CCDC3: variants seen among roughly 807,000 people sequenced by gnomAD.
CCDC3 encodes the protein coiled-coil domain-containing protein 3.
Under a neutral mutation model 21.4 loss-of-function variants are expected in CCDC3, and 24 were observed. The ratio of observed to expected loss-of-function variants is 1.12; its 90% CI spans 0.81 to 1.58. The LOEUF (loss-of-function observed/expected upper bound fraction) is 1.58, where lower values mean the gene tolerates loss of function less well. Ranked by LOEUF, CCDC3 falls within the 40% of genes most tolerant of loss-of-function variation. The probability of loss-of-function intolerance (pLI) is 0.00; values close to 1 mark genes in which losing one functional copy is unlikely to be tolerated. For synonymous variants in CCDC3, 186 were observed against 166.0 expected (o/e 1.12, Z -0.93); for missense variants, 425 against 360.9 (o/e 1.18, Z -1.44).
intron 4 of CCDC3, chr10:13,058,257 C>A (rs960977304): frequency 7.2e-7 from 1 of 1,381,344 alleles, no homozygotes; most frequent in African/African-American, 1.4e-5. Flanking sequence ...CAGGTAAAGG[C>A]ACCTGGCTGA....
chr10:12,921,501 A>G (rs1025092104), intron 2 of CCDC3, among the ~76,000 whole-genome samples: 1 of 152,240 alleles, frequency 6.6e-6, no homozygotes, highest in East Asian at 1.9e-4. Context: ...TTCTCTGACC[A>G]GTGCAAAAGC....
intron 3 of CCDC3, among the ~76,000 whole-genome samples, chr10:13,085,809 A>C (rs1244973391): frequency 6.6e-6 from 1 of 152,090 alleles, no homozygotes; most frequent in African/African-American, 2.4e-5. Context: ...TCTATTAAAA[A>C]CATAAAAATT....
intron 3 of CCDC3, among the ~76,000 whole-genome samples, chr10:13,093,377 A>G (rs1048314458): frequency 2.0e-5 from 3 of 152,110 alleles, no homozygotes; most frequent in East Asian, 3.9e-4. Flanking sequence ...CCATGATTCA[A>G]TTATCTCCCA....
chr10:12,987,823 G>T (rs1835621241), intron 2 of CCDC3, among the ~76,000 whole-genome samples: 3 of 152,158 alleles, frequency 2.0e-5, no homozygotes, highest in South Asian at 2.1e-4. Flanking sequence ...AAGACAAATT[G>T]GAAGAACACA....
chr10:13,097,592 C>T (rs1418789771), intron 3 of CCDC3, among the ~76,000 whole-genome samples: 1 of 152,150 alleles, frequency 6.6e-6, no homozygotes, highest in Non-Finnish European at 1.5e-5. Flanking sequence ...GGTGTGGTGG[C>T]ACACGCCTGT....
In CCDC3 at chr10:12,898,534, C is replaced by A. The variant is rs372671923; in HGVS notation, c.695G>T (p.Arg232Leu). The A allele has an allele frequency of 1.7e-5, 28 of 1,614,192 alleles. No individual in the cohort carries two copies. Among genetic ancestry groups the A allele is most frequent in the Non-Finnish European group, 2.3e-5 (27 of 1,180,030 alleles). ...CAGCTCCAGGTGGCGGCCCTTCTTA[C>A]GCGCCTGCCGCAAGGACCTCTTGAC... ...KKVKRSLRQA[R>L]KKGRHLELAN... The change falls in exon 3 of 3, where the codon CGT becomes CTT. Residue 232 changes from arginine to leucine, a missense_variant. Transcript: ENST00000378825.
At chr10:13,094,327 C>T (rs993148589) in intron 3 of CCDC3, among the ~76,000 whole-genome samples, 5 of 151,954 alleles carry the variant, frequency 3.3e-5, no homozygotes, top group African/African-American at 9.7e-5. Flanking sequence ...GGCACGATCT[C>T]GGCTCACTGC....
chr10:13,045,427 G>A (rs1229604345), intron 5 of CCDC3, among the ~76,000 whole-genome samples: 4 of 151,832 alleles, frequency 2.6e-5, no homozygotes, highest in Non-Finnish European at 5.9e-5. Flanking sequence ...GATCACAAGG[G>A]CACCATCCTG....
At chr10:13,064,341 G>A (rs1471769273) in intron 4 of CCDC3, among the ~76,000 whole-genome samples, 1 of 152,220 alleles carries the variant, frequency 6.6e-6, no homozygotes, top group African/African-American at 2.4e-5. Context: ...AACAGTAGCT[G>A]GACAGCTAGA....
At chr10:13,087,398 C>G (rs572298707) in intron 3 of CCDC3, among the ~76,000 whole-genome samples, 22 of 134,580 alleles carry the variant, frequency 1.6e-4, no homozygotes, top group Admixed American at 1.1e-3. Flanking sequence ...GAGTGAAACT[C>G]CATCTCAAAA....
intron 5 of CCDC3, among the ~76,000 whole-genome samples, chr10:13,044,743 T>C (rs186813250): frequency 1.8e-4 from 27 of 152,332 alleles, no homozygotes; most frequent in African/African-American, 6.0e-4. Context: ...CTTTATATTA[T>C]AGTTTGAAGT....
At chr10:12,998,168 T>C (rs900243899) in intron 2 of CCDC3, among the ~76,000 whole-genome samples, 170 bp downstream of exon 2, 1 of 152,174 alleles carries the variant, frequency 6.6e-6, no homozygotes. Flanking sequence ...AATGGTCTTT[T>C]TTAACAGCTG....
intron 2 of CCDC3, among the ~76,000 whole-genome samples, chr10:12,943,205 A>C (rs1183101925): frequency 1.3e-5 from 2 of 152,188 alleles, no homozygotes; most frequent in African/African-American, 4.8e-5. Context: ...TCTTTGGTTA[A>C]AGTTTGTCAG....
chr10:12,938,181 C>T (rs186415986), intron 2 of CCDC3, among the ~76,000 whole-genome samples: 1 of 152,310 alleles, frequency 6.6e-6, no homozygotes, highest in African/African-American at 2.4e-5. Context: ...AATGGTATTT[C>T]CAAACTAACC....
intron 2 of CCDC3, among the ~76,000 whole-genome samples, chr10:12,946,917 C>T (rs1195604603): frequency 4.6e-5 from 7 of 152,122 alleles, no homozygotes; most frequent in African/African-American, 1.7e-4. Flanking sequence ...GCCCCCTCCG[C>T]CACTAGCATA....
chr10:13,078,451 G>T (rs1276908683), intron 3 of CCDC3, among the ~76,000 whole-genome samples: 1 of 152,244 alleles, frequency 6.6e-6, no homozygotes, highest in African/African-American at 2.4e-5. Context: ...AGACAGTGTG[G>T]CTATTCCTCA....
chr10:12,946,292 G>C (rs1159775808), intron 2 of CCDC3, among the ~76,000 whole-genome samples: 1 of 152,244 alleles, frequency 6.6e-6, no homozygotes, highest in Non-Finnish European at 1.5e-5. Context: ...CTGAGCATCA[G>C]TGTCAATCTT....
Position 12,934,326 on chromosome 10 carries a change from C to G in CCDC3, c.550-35647G>C, listed in dbSNP as rs192131491. Among the ~76,000 whole-genome samples, 43 of 152,216 alleles carry G rather than the reference C, an allele frequency of 2.8e-4. No individual in the cohort carries two copies. The East Asian group carries it at 7.0e-3, about 25-fold the overall frequency. ...TCTGAGAGCAGATATTATATGATCT[C>G]TATTCTTTTTGATTTTTTAAGGTAT... is the stretch of plus-strand genomic sequence containing the variant. On this transcript the variant is annotated intron_variant, in intron 2 of 2. Coordinates refer to ENST00000378825, the MANE Select transcript of CCDC3 (RefSeq NM_031455.4).
rs191210161 is a variant in CCDC3, at chr10:13,016,111, T to A, written c.-1-17599A>T. On this transcript the variant is annotated intron_variant, in intron 5 of 6. Transcript: ENST00000378839. Reference sequence around the variant, plus strand: ...CACAAAAAGTTAAACATTAAAAAAATTTTAATAAAACAATAGTAGAGCTTA... The same window carrying A: ...CACAAAAAGTTAAACATTAAAAAAAATTTAATAAAACAATAGTAGAGCTTA... 5.9e-4 allele frequency among the ~76,000 whole-genome samples: 90 copies of A among 151,962 alleles called. 1 individual carries two copies. The highest frequency in any genetic ancestry group is 2.1e-3 in the African/African-American group (88 of 41,480).
Sources: gnomAD v4.1 joint callset for allele counts (sites outside exome capture counted in the v4.1 genomes callset) on GRCh38, gnomAD v4.1.1 for gene constraint, MANE v1.5 for transcripts, NCBI Gene and HGNC (gene_info 2026-07-23, HGNC 2026-07-21) for gene names.